Variants in MYT1L observed in about 807,000 individuals in gnomAD.
The protein encoded by MYT1L is myelin transcription factor 1 like, also known as myelin transcription factor 1-like protein.
A neutral mutation model predicts 126.7 loss-of-function variants in MYT1L; 12 were observed. That is an observed-to-expected ratio of 0.09 (90% confidence interval 0.06 to 0.15). MYT1L has a LOEUF of 0.15. Ranked by LOEUF, MYT1L falls within the 10% of genes least tolerant of loss-of-function variation. MYT1L has a pLI of 1.00. For synonymous variants in MYT1L, 541 were observed against 604.2 expected, an observed-to-expected ratio of 0.90 and a Z score of 1.53; for missense variants, 979 against 1,585.2, an observed-to-expected ratio of 0.62 and a Z score of 6.49.
rs2148697417 is a variant in MYT1L at position 2,186,469 on chromosome 2, A to AT, written c.-420-13482dup. ...AAGAAATATGGACCTCGATGAACAG[A>AT]TAATAGGGAGAATCTCATGCACCCA... On this transcript the variant is annotated intron_variant, in intron 2 of 24. Coordinates refer to ENST00000647738, the MANE Select transcript of MYT1L (RefSeq NM_001303052.2). Among the ~76,000 whole-genome samples the AT allele has an allele frequency of 2.0e-5, 3 of 152,356 alleles. 1 individual carries two copies. In the East Asian group the frequency reaches 5.8e-4, roughly 29 times the overall value.
chr2:2,307,499 G>T (rs529355778), intron 1 of MYT1L, among the ~76,000 whole-genome samples: 1 of 152,152 alleles, frequency 6.6e-6, no homozygotes, highest in East Asian at 1.9e-4. Context: ...TTGGCTGCCA[G>T]ACTAATTATC....
intron 19 of MYT1L, among the ~76,000 whole-genome samples, chr2:1,849,505 G>A (rs964296820): frequency 6.6e-5 from 10 of 152,216 alleles, no homozygotes; most frequent in Non-Finnish European, 1.5e-4. Flanking sequence ...CTGTGGCAGT[G>A]GTCCCCCCAG....
intron 2 of MYT1L, among the ~76,000 whole-genome samples, chr2:2,265,117 T>G (rs1326703178): frequency 1.3e-5 from 2 of 151,718 alleles, no homozygotes; most frequent in Non-Finnish European, 2.9e-5. Context: ...AACATTTGCC[T>G]CCTGGGTTCA....
chr2:1,877,017 C>G (rs1203435398), intron 18 of MYT1L, among the ~76,000 whole-genome samples: 1 of 152,212 alleles, frequency 6.6e-6, no homozygotes, highest in South Asian at 2.1e-4. Context: ...GAGAACACCA[C>G]ACAGTCAGTC....
chr2:1,879,997 A>G (rs2047338427), intron 18 of MYT1L, among the ~76,000 whole-genome samples: 1 of 152,228 alleles, frequency 6.6e-6, no homozygotes, highest in Admixed American at 6.5e-5. Flanking sequence ...TGAATTTAAA[A>G]TGTTCCAAAA....
intron 1 of MYT1L, among the ~76,000 whole-genome samples, chr2:2,315,645 T>C (rs1409746458): frequency 6.6e-6 from 1 of 152,168 alleles, no homozygotes; most frequent in Non-Finnish European, 1.5e-5. Context: ...CTCAATATAA[T>C]TTATCAACAG....
At chr2:1,987,593 C>G (rs1466470677) in intron 5 of MYT1L, among the ~76,000 whole-genome samples, 1 of 152,224 alleles carries the variant, frequency 6.6e-6, no homozygotes, top group Non-Finnish European at 1.5e-5. Context: ...GTCTGCTGCT[C>G]TCCATCTGTT....
At chr2:2,111,000 T>C (rs1404469509) in intron 3 of MYT1L, among the ~76,000 whole-genome samples, 2 of 152,276 alleles carry the variant, frequency 1.3e-5, no homozygotes, top group South Asian at 2.1e-4. Flanking sequence ...CTATGGGGCA[T>C]GGGCTCCTCC....
At chr2:2,204,786 C>T (rs2093245669) in intron 2 of MYT1L, among the ~76,000 whole-genome samples, 1 of 151,998 alleles carries the variant, frequency 6.6e-6, no homozygotes, top group Admixed American at 6.6e-5. Context: ...GATTATAAAT[C>T]ATGCTGCTAT....
At chr2:1,858,866 C>T (rs997808718) in intron 18 of MYT1L, among the ~76,000 whole-genome samples, 11 of 152,376 alleles carry the variant, frequency 7.2e-5, no homozygotes, top group South Asian at 2.1e-4. Context: ...TACCTTCTCC[C>T]GGGTGGAGTC....
At chr2:1,868,562 C>T (rs1230588690) in intron 18 of MYT1L, among the ~76,000 whole-genome samples, 1 of 152,146 alleles carries the variant, frequency 6.6e-6, no homozygotes, top group Non-Finnish European at 1.5e-5. Flanking sequence ...CTCCAGAGCC[C>T]CCTCTCCCCG....
At chr2:2,180,862 G>A (rs905238261) in intron 2 of MYT1L, among the ~76,000 whole-genome samples, 2 of 151,510 alleles carry the variant, frequency 1.3e-5, no homozygotes, top group African/African-American at 2.4e-5. Context: ...GTATGCCTGT[G>A]TGTGCACCTG....
At chr2:1,804,123 GTTGT>G (rs1382104019) in intron 22 of MYT1L, among the ~76,000 whole-genome samples, 2 of 152,094 alleles carry the variant, frequency 1.3e-5, no homozygotes, top group East Asian at 1.9e-4. Context: ...TTTTGTTGTT[GTTGT>G]TTGTTTGTTT....
intron 21 of MYT1L, chr2:1,828,268 G>A (rs1431134047): frequency 2.0e-5 from 3 of 152,082 alleles, no homozygotes; most frequent in Non-Finnish European, 2.9e-5. Context: ...GTGACACTGG[G>A]GGGCCTGTTT....
intron 2 of MYT1L, among the ~76,000 whole-genome samples, chr2:2,213,143 A>C (rs191561621): frequency 6.6e-6 from 1 of 152,280 alleles, no homozygotes; most frequent in East Asian, 1.9e-4. Context: ...ACCAAGCAAA[A>C]ATGCAAACGG....
At chr2:2,245,931 C>T (rs2094526353) in intron 2 of MYT1L, among the ~76,000 whole-genome samples, 1 of 152,174 alleles carries the variant, frequency 6.6e-6, no homozygotes, top group Non-Finnish European at 1.5e-5. Context: ...AAGGCAAGGA[C>T]AGGGATTCTC....
chr2:2,313,295 T>C (rs565456746), intron 1 of MYT1L, among the ~76,000 whole-genome samples: 1 of 151,934 alleles, frequency 6.6e-6, no homozygotes, highest in Non-Finnish European at 1.5e-5. Context: ...TCAAGTGCAA[T>C]CAGCGGTTCA....
chr2:2,244,336 G>A (rs1046648825), intron 2 of MYT1L, among the ~76,000 whole-genome samples: 1 of 152,142 alleles, frequency 6.6e-6, no homozygotes, highest in East Asian at 1.9e-4. Context: ...AAGATTCTTG[G>A]TTGATGGACT....
chr2:2,095,040 T>G (rs1181077058), intron 3 of MYT1L, among the ~76,000 whole-genome samples: 2 of 151,008 alleles, frequency 1.3e-5, no homozygotes, highest in Non-Finnish European at 1.5e-5. Context: ...GGGTCTCAAA[T>G]TTGCTTTGCT....
Sources: allele counts gnomAD v4.1 joint callset (sites outside exome capture counted in the v4.1 genomes callset), GRCh38; gene constraint gnomAD v4.1.1; transcripts MANE v1.5; gene names NCBI Gene and HGNC (gene_info 2026-07-23, HGNC 2026-07-21).